USP25: variants seen among roughly 807,000 people sequenced by gnomAD.
The protein encoded by USP25 is ubiquitin carboxyl-terminal hydrolase 25.
Under a neutral mutation model 158.5 loss-of-function variants are expected in USP25, and 85 were observed. That is an observed-to-expected ratio of 0.54 (90% CI 0.45 to 0.64). The LOEUF (loss-of-function observed/expected upper bound fraction) is 0.64. Among genes scored for constraint, USP25 ranks in the 30% least tolerant of loss-of-function variants. The probability of loss-of-function intolerance (pLI) is 0.00; values close to 1 mark genes in which losing one functional copy is unlikely to be tolerated. For synonymous variants in USP25, 464 were observed against 460.4 expected, an observed-to-expected ratio of 1.01 and a Z score of -0.10; for missense variants, 1,242 against 1,327.3, an observed-to-expected ratio of 0.94 and a Z score of 1.00.
chr21:15,845,264 T>A (rs1370667998), intron 18 of USP25, among the ~76,000 whole-genome samples: 1 of 152,168 alleles, frequency 6.6e-6, no homozygotes, highest in African/African-American at 2.4e-5. Context: ...ATCTTCGTAT[T>A]TTAATTATTT....
At chr21:15,831,752 G>GTT in intron 16 of USP25, 123 bp downstream of exon 16, 2 of 810,712 alleles carry the variant, frequency 2.5e-6, no homozygotes, top group Non-Finnish European at 4.1e-6. Context: ...ATGCTACTGG[G>GTT]TTTTGACAAG....
At position 15,730,383 on chromosome 21, in the gene USP25, C is replaced by A. The variant is rs925240965; in HGVS notation, c.-11C>A. The stretch of plus-strand genomic sequence containing the variant: ...GCCACCGCCGCCGCCGCCGCCGCCG[C>A]CGCGGGGGCCATGACCGTGGAGCAG... On this transcript the variant is annotated 5_prime_UTR_variant, in exon 1 of 26. Transcript: ENST00000400183. 8.0e-7 allele frequency: 1 copy of A among 1,246,696 alleles called. No individual in the cohort carries two copies. The highest frequency in any genetic ancestry group is 3.4e-5 in the East Asian group (1 of 29,616). The allele number at this position is 1,246,696 out of a possible 1,614,324, so 77.2% of individuals were successfully genotyped here.
intron 17 of USP25, among the ~76,000 whole-genome samples, chr21:15,838,420 G>A (rs546019553): frequency 6.6e-6 from 1 of 152,132 alleles, no homozygotes; most frequent in Non-Finnish European, 1.5e-5. Context: ...ACAATAAGGA[G>A]GCAGGCCAAA....
At chr21:15,859,586 A>G (rs1205391243) in intron 20 of USP25, among the ~76,000 whole-genome samples, 1 of 152,124 alleles carries the variant, frequency 6.6e-6, no homozygotes, top group Non-Finnish European at 1.5e-5. Flanking sequence ...CAGCTCGAAA[A>G]CATCGTGGGC....
chr21:15,821,729 T>G (rs2037247031), intron 10 of USP25, among the ~76,000 whole-genome samples: 1 of 151,980 alleles, frequency 6.6e-6, no homozygotes, highest in African/African-American at 2.4e-5. Context: ...ACATCCTGGC[T>G]TGGTTTGATA....
At position 15,847,756 on chromosome 21, in the gene USP25, GA is replaced by G. The variant is rs1305321309; in HGVS notation, c.2432del (p.Glu811GlyfsTer9). 36 of 1,549,652 alleles carry G rather than the reference GA, an allele frequency of 2.3e-5. No individual in the cohort carries two copies. In the Middle Eastern group the frequency reaches 1.0e-3, roughly 43 times the overall value. ...AGGGAAATTTATGATTGAATCAAAG[GA>G]GGGGGGGTATGATGACGAGGTACCT... ...HVGKFMIESK[E>X]GGYDDEIMMT... On this transcript the variant is annotated frameshift_variant, in exon 19 of 26. Coordinates refer to ENST00000400183, the MANE Select transcript of USP25 (RefSeq NM_001283041.3). LOFTEE classifies it high-confidence loss of function.
intron 5 of USP25, among the ~76,000 whole-genome samples, chr21:15,791,999 A>G (rs929616834): frequency 9.9e-5 from 15 of 151,752 alleles, no homozygotes; most frequent in Non-Finnish European, 1.9e-4. Flanking sequence ...ACCAAGTTTG[A>G]AACTAGAACT....
chr21:15,842,518 G>T lies in USP25; in HGVS notation c.2315G>T (p.Ser772Ile), dbSNP rs1356076655. The T allele has an allele frequency of 1.2e-6, 2 of 1,613,380 alleles. No individual in the cohort carries two copies. The highest frequency in any genetic ancestry group is 2.7e-5 in the African/African-American group (2 of 74,860). The change falls in exon 18 of 26, where the codon AGT becomes ATT. Residue 772 changes from serine (S) to isoleucine (I), a missense_variant. Physicochemically the swap from Ser to Ile is moderately radical, Grantham distance 142. Coordinates refer to ENST00000400183, the MANE Select transcript of USP25 (RefSeq NM_001283041.3). ...GCATCACATGAGCATGAAGATAAAA[G>T]TCCTGAAACAGTTTTGCAGTCGGTA... Reference protein sequence around the residue: ...TKASHEHEDKSPETVLQSKPE... With the variant: ...TKASHEHEDKIPETVLQSKPE...
chr21:15,764,934 G>T (rs1019078693), intron 2 of USP25, among the ~76,000 whole-genome samples: 1 of 152,006 alleles, frequency 6.6e-6, no homozygotes, highest in African/African-American at 2.4e-5. Context: ...TTAAATTTTG[G>T]AATCATCCTG....
In USP25 at chr21:15,833,453, T is replaced by C; in HGVS notation, c.2099T>C (p.Leu700Pro). The change falls in exon 17 of 26, where the codon CTA becomes CCA. Residue 700 changes from leucine to proline, a missense_variant. Coordinates refer to ENST00000400183, the MANE Select transcript of USP25 (RefSeq NM_001283041.3). ...GACAACCAACGATTTGAAAAAGAAC[T>C]AGAAGAATGGGATGCACAACTTGCC... The part of the protein sequence containing the change: ...EEDNQRFEKE[L>P]EEWDAQLAQK... 6.2e-7 allele frequency: 1 copy of C among 1,614,066 alleles called. No homozygotes were observed. Among genetic ancestry groups the C allele is most frequent in the Non-Finnish European group, 8.5e-7 (1 of 1,179,970 alleles).
chr21:15,809,861 C>A (rs2036571871), intron 8 of USP25, among the ~76,000 whole-genome samples: 2 of 152,128 alleles, frequency 1.3e-5, no homozygotes, highest in Admixed American at 6.5e-5. Context: ...TAACATGACC[C>A]CTTGAAGATA....
At chr21:15,746,497 C>T (rs77824533) in intron 1 of USP25, among the ~76,000 whole-genome samples, 11,431 of 152,130 alleles carry the variant, frequency 0.075, 492 homozygotes, top group East Asian at 0.092. Flanking sequence ...CAGGTTCAAG[C>T]GATTCTCCTG....
rs569174090 is a variant in USP25 at position 15,857,248 on chromosome 21, ATTC to A, written c.2548-7017_2548-7015del. Among the ~76,000 whole-genome samples the A allele has an allele frequency of 5.6e-4, 86 of 152,308 alleles. No homozygotes were observed. The East Asian group carries it at 0.015, about 27-fold the overall frequency. ...ATAAAGAACACCTAAGTTGTTACCT[ATTC>A]TTATTAAATTTATCAGCATTGTTGT... On this transcript the variant is annotated intron_variant, in intron 20 of 25. Transcript: ENST00000400183.
At chr21:15,749,933 G>A (rs1225344117) in intron 1 of USP25, among the ~76,000 whole-genome samples, 2 of 152,144 alleles carry the variant, frequency 1.3e-5, no homozygotes, top group Non-Finnish European at 2.9e-5. Context: ...CTGGCATGGA[G>A]CCCCTAAAGC....
intron 22 of USP25, among the ~76,000 whole-genome samples, chr21:15,866,760 T>C (rs1376684503): frequency 1.3e-5 from 2 of 152,124 alleles, no homozygotes; most frequent in Non-Finnish European, 2.9e-5. Context: ...TTACATATAT[T>C]AACTGATTTA....
At chr21:15,809,667 T>C (rs896617286) in intron 8 of USP25, among the ~76,000 whole-genome samples, 1 of 152,184 alleles carries the variant, frequency 6.6e-6, no homozygotes, top group Non-Finnish European at 1.5e-5. Flanking sequence ...CCAAAAGAAT[T>C]GAAAGCAGGG....
At chr21:15,812,687 T>C (rs77642528) in intron 9 of USP25, among the ~76,000 whole-genome samples, 11,512 of 152,190 alleles carry the variant, frequency 0.076, 509 homozygotes, top group East Asian at 0.1. Flanking sequence ...AATCCAGTGT[T>C]GAAGTCTTTG....
At chr21:15,809,482 A>C (rs752186362) in intron 8 of USP25, among the ~76,000 whole-genome samples, 2 of 152,176 alleles carry the variant, frequency 1.3e-5, no homozygotes, top group East Asian at 1.9e-4. Context: ...CCCAACCCCT[A>C]CTGACCCAAG....
chr21:15,730,360 C>T lies in USP25; in HGVS notation c.-34C>T, dbSNP rs1192053727. Reference sequence around the variant, plus strand: ...GGCGGAGGCGCGAGGAGCCGGGCGCCACCGCCGCCGCCGCCGCCGCCGCCG... The same window carrying T: ...GGCGGAGGCGCGAGGAGCCGGGCGCTACCGCCGCCGCCGCCGCCGCCGCCG... On this transcript the variant is annotated 5_prime_UTR_variant, in exon 1 of 26. Coordinates refer to ENST00000400183, the MANE Select transcript of USP25 (RefSeq NM_001283041.3). The T allele has an allele frequency of 5.9e-6, 7 of 1,177,486 alleles. No individual in the cohort carries two copies. The highest frequency in any genetic ancestry group is 7.3e-6 in the Non-Finnish European group (7 of 960,414). 72.9% of individuals were successfully genotyped at this position (1,177,486 alleles called of 1,614,324 possible).
Sources: gnomAD v4.1 joint callset for allele counts (sites outside exome capture counted in the v4.1 genomes callset) on GRCh38, gnomAD v4.1.1 for gene constraint, MANE v1.5 for transcripts, NCBI Gene and HGNC (gene_info 2026-07-23, HGNC 2026-07-21) for gene names.